CLIC5: variants seen among roughly 807,000 people sequenced by gnomAD.
CLIC5 encodes the protein chloride intracellular channel protein 5.
Under a neutral mutation model 24.7 loss-of-function variants are expected in CLIC5, and 20 were observed. The ratio of observed to expected loss-of-function variants is 0.81; its 90% CI spans 0.57 to 1.18. The LOEUF (loss-of-function observed/expected upper bound fraction) is 1.18, where lower values mean the gene tolerates loss of function less well. CLIC5 is among the 50% of genes most tolerant of loss of function. The pLI, the probability that CLIC5 is intolerant of heterozygous loss-of-function variation, is 0.00. For missense variants in CLIC5, 341 were observed against 326.1 expected (o/e 1.05, Z -0.35); for synonymous variants, 159 against 135.6 (o/e 1.17, Z -1.20).
intron 1 of CLIC5, among the ~76,000 whole-genome samples, chr6:45,976,975 T>C (rs1378264719): frequency 6.6e-6 from 1 of 152,248 alleles, no homozygotes; most frequent in African/African-American, 2.4e-5. Context: ...CATTGCTAAA[T>C]GAGCAATGTA....
chr6:46,111,181 C>T, the CLIC5 span, among the ~76,000 whole-genome samples: 2 of 143,142 alleles, frequency 1.4e-5, no homozygotes, highest in Non-Finnish European at 3.0e-5. Flanking sequence ...CAAACCTGTC[C>T]TTTTTTTTTT....
intron 1 of CLIC5, among the ~76,000 whole-genome samples, chr6:46,076,446 A>G (rs989969390): frequency 2.0e-5 from 3 of 152,238 alleles, no homozygotes; most frequent in Admixed American, 2.0e-4. Flanking sequence ...AAAGTTCCTT[A>G]CAAGAGAAAT....
chr6:45,954,373 G>A (rs1764573478), intron 2 of CLIC5, among the ~76,000 whole-genome samples: 1 of 152,004 alleles, frequency 6.6e-6, no homozygotes, highest in Non-Finnish European at 1.5e-5. Flanking sequence ...TGTATGCAAT[G>A]TTAGACATAC....
intron 1 of CLIC5, among the ~76,000 whole-genome samples, chr6:46,068,466 T>C (rs1762501802): frequency 2.0e-5 from 3 of 152,086 alleles, no homozygotes; most frequent in African/African-American, 7.2e-5. Flanking sequence ...ATTTTAAGTA[T>C]GCCAATGGAC....
chr6:46,075,918 A>G (rs953024988), intron 1 of CLIC5, among the ~76,000 whole-genome samples: 2 of 152,102 alleles, frequency 1.3e-5, no homozygotes, highest in African/African-American at 4.8e-5. Context: ...CTTTTCACCC[A>G]CATCAAATTC....
chr6:46,102,925 C>T, the CLIC5 span, among the ~76,000 whole-genome samples: 1 of 152,220 alleles, frequency 6.6e-6, no homozygotes, highest in Non-Finnish European at 1.5e-5. Context: ...GGTAATATTG[C>T]TCTCCATTTC....
rs114004949 is a variant in CLIC5, at chr6:46,027,628, C to T, written c.540+52075G>A. 6.7e-3 allele frequency among the ~76,000 whole-genome samples: 1,018 copies of T among 152,232 alleles called. 10 individuals carry two copies. Among genetic ancestry groups the T allele is most frequent in the African/African-American group, 0.023 (968 of 41,532 alleles). ...TTTGCAGAAACTTACTTAGAAGAAA[C>T]GATTTTTGTATTTCTCTGTAATTAT... On this transcript the variant is annotated intron_variant, in intron 1 of 5. Transcript: ENST00000185206.
At chr6:45,999,732 G>GTTTTT (rs1201850451) in intron 1 of CLIC5, among the ~76,000 whole-genome samples, 23 of 50,848 alleles carry the variant, frequency 4.5e-4, no homozygotes, top group East Asian at 8.0e-4. Context: ...CTTCCTTGTG[G>GTTTTT]TTTTTTTTTT....
At chr6:46,089,337 A>G in the CLIC5 span, among the ~76,000 whole-genome samples, 5 of 152,038 alleles carry the variant, frequency 3.3e-5, no homozygotes, top group Non-Finnish European at 7.4e-5. Flanking sequence ...TATGCAGGTG[A>G]CCTTGGGCAC....
At chr6:46,104,211 G>A in the CLIC5 span, among the ~76,000 whole-genome samples, 3 of 152,078 alleles carry the variant, frequency 2.0e-5, no homozygotes, top group African/African-American at 7.2e-5. Context: ...TTTCTGTGCT[G>A]TTCTGTCAGA....
intron 4 of CLIC5, among the ~76,000 whole-genome samples, chr6:45,940,838 T>C (rs1764104069): frequency 6.6e-6 from 1 of 152,198 alleles, no homozygotes; most frequent in Admixed American, 6.5e-5. Flanking sequence ...AATTGGACGG[T>C]TCCATTCAAA....
chr6:46,057,363 C>G (rs1211706650), intron 1 of CLIC5, among the ~76,000 whole-genome samples: 1 of 152,196 alleles, frequency 6.6e-6, no homozygotes, highest in Non-Finnish European at 1.5e-5. Context: ...TCTCTGGCCA[C>G]CGCCATGTAA....
At chr6:46,052,306 C>T (rs1383232447) in intron 1 of CLIC5, among the ~76,000 whole-genome samples, 7 of 152,144 alleles carry the variant, frequency 4.6e-5, no homozygotes, top group African/African-American at 1.7e-4. Flanking sequence ...TATTTAGAAC[C>T]CTTTGCTCAT....
chr6:46,043,320 T>A (rs1311183618), intron 1 of CLIC5, among the ~76,000 whole-genome samples: 1 of 152,146 alleles, frequency 6.6e-6, no homozygotes, highest in Non-Finnish European at 1.5e-5. Context: ...ATGAGAAAAG[T>A]GAGGATTAGA....
At chr6:46,073,745 G>T (rs375652385) in intron 1 of CLIC5, among the ~76,000 whole-genome samples, 20 of 152,300 alleles carry the variant, frequency 1.3e-4, no homozygotes, top group African/African-American at 4.8e-4. Flanking sequence ...TGGGCCTTCT[G>T]ACCCACTCAA....
At chr6:46,022,611 TCCTTGG>T (rs1341760397) in intron 1 of CLIC5, among the ~76,000 whole-genome samples, 2 of 152,202 alleles carry the variant, frequency 1.3e-5, no homozygotes, top group Non-Finnish European at 2.9e-5. Flanking sequence ...ACCTAAGGTG[TCCTTGG>T]GCATGGCCAA....
intron 4 of CLIC5, among the ~76,000 whole-genome samples, chr6:45,921,229 C>T (rs558781804): frequency 6.6e-6 from 1 of 152,246 alleles, no homozygotes; most frequent in South Asian, 2.1e-4. Context: ...TCTTAGACCA[C>T]ATGAAGTCAG....
intron 1 of CLIC5, among the ~76,000 whole-genome samples, chr6:46,072,121 A>G (rs1178017463): frequency 6.6e-6 from 1 of 152,062 alleles, no homozygotes; most frequent in Non-Finnish European, 1.5e-5. Context: ...GATCAGGGAA[A>G]ATAACTAATG....
chr6:45,986,079 C>T (rs971584095), intron 1 of CLIC5, among the ~76,000 whole-genome samples: 4 of 152,216 alleles, frequency 2.6e-5, no homozygotes, highest in African/African-American at 9.6e-5. Context: ...ATTCACCTTC[C>T]ACCATGATTG....
Sources: gnomAD v4.1 joint callset for allele counts (sites outside exome capture counted in the v4.1 genomes callset) on GRCh38, gnomAD v4.1.1 for gene constraint, MANE v1.5 for transcripts, NCBI Gene and HGNC (gene_info 2026-07-23, HGNC 2026-07-21) for gene names.